The following KIF27 variants were observed in gnomAD, a reference collection of about 807,000 sequenced individuals.
KIF27 encodes kinesin-like protein KIF27.
A neutral mutation model predicts 141.8 loss-of-function variants in KIF27; 84 were observed. The ratio of observed to expected loss-of-function variants is 0.59; its 90% CI spans 0.50 to 0.71. The LOEUF (loss-of-function observed/expected upper bound fraction) is 0.71, where lower values mean the gene tolerates loss of function less well. Among genes scored for constraint, KIF27 ranks in the 30% least tolerant of loss-of-function variants. KIF27 has a pLI of 0.00. For missense variants in KIF27, 1,306 were observed against 1,628.4 expected, an observed-to-expected ratio of 0.80 and a Z score of 3.41; for synonymous variants, 471 against 569.5, an observed-to-expected ratio of 0.83 and a Z score of 2.46.
At chr9:83,885,409 T>C (rs1952013160) in intron 9 of KIF27, among the ~76,000 whole-genome samples, 2 of 152,130 alleles carry the variant, frequency 1.3e-5, no homozygotes, top group Admixed American at 6.5e-5. Context: ...ACTATTTATA[T>C]AGCTGGTTAT....
At chr9:83,848,061 C>CAT (rs796372252) in intron 16 of KIF27, among the ~76,000 whole-genome samples, 5 of 19,288 alleles carry the variant, frequency 2.6e-4, no homozygotes, top group East Asian at 5.8e-3. Flanking sequence ...ATCTATATAT[C>CAT]ATATATATGA....
intron 3 of KIF27, among the ~76,000 whole-genome samples, chr9:83,908,074 C>A (rs1165608688): frequency 6.6e-6 from 1 of 151,972 alleles, no homozygotes; most frequent in Non-Finnish European, 1.5e-5. Flanking sequence ...CCAGCCTGAC[C>A]AACATGGTGA....
chr9:83,883,844 T>C lies in KIF27; in HGVS notation c.2414A>G (p.Lys805Arg), dbSNP rs767105041. ...TCTCAGCTTTGCAGCATCCATCTTT[T>C]TACGAAACTCTTTCTGTAATTTTAC... is the stretch of plus-strand genomic sequence containing the variant. ...MKVKLQKEFR[K>R]KMDAAKLRVQ... Residue 805 changes from lysine (K) to arginine (R), a missense_variant, in exon 10 of 18, where the codon AAA becomes AGA. By Grantham distance (26) the Lys-to-Arg change is conservative. Around this residue, in one of 4 missense-constraint regions of KIF27, gnomAD observed 596 missense variants for 751.6 expected, o/e 0.79. Coordinates refer to ENST00000297814, the MANE Select transcript of KIF27 (RefSeq NM_017576.4). The C allele has an allele frequency of 5.6e-6, 9 of 1,612,950 alleles. No individual in the cohort carries two copies. Among genetic ancestry groups the C allele is most frequent in the African/African-American group, 1.3e-5 (1 of 74,914 alleles).
chr9:83,914,598 A>G (rs1190201135), intron 2 of KIF27, among the ~76,000 whole-genome samples: 1 of 152,200 alleles, frequency 6.6e-6, no homozygotes, highest in African/African-American at 2.4e-5. Flanking sequence ...GAGAGCCACT[A>G]TTCATACAGA....
chr9:83,841,494 A>G (rs1946561979), intron 17 of KIF27, among the ~76,000 whole-genome samples: 1 of 152,220 alleles, frequency 6.6e-6, no homozygotes, highest in African/African-American at 2.4e-5. Context: ...TAAAAAATAC[A>G]TGTGTGCCTA....
intron 3 of KIF27, among the ~76,000 whole-genome samples, chr9:83,906,744 CAAAAAAAAAAA>C (rs565683124): frequency 2.0e-5 from 1 of 50,050 alleles, no homozygotes; most frequent in African/African-American, 7.0e-5. Context: ...ACCCTGTCTC[CAAAAAAAAAAA>C]AAAAAAAAAA....
intron 13 of KIF27, among the ~76,000 whole-genome samples, chr9:83,865,219 C>T (rs1002725945): frequency 3.3e-5 from 5 of 152,088 alleles, no homozygotes; most frequent in African/African-American, 1.2e-4. Context: ...GATTTATCTG[C>T]CAATTAAAAA....
chr9:83,853,912 G>T, intron 14 of KIF27, 77 bp from the exon 15 acceptor site: 2 of 1,094,416 alleles, frequency 1.8e-6, no homozygotes, highest in Non-Finnish European at 2.7e-6. Flanking sequence ...ATCCTCCTAA[G>T]CTATTTGAGT....
intron 16 of KIF27, among the ~76,000 whole-genome samples, chr9:83,848,411 GAT>G (rs957347571): frequency 2.3e-5 from 3 of 130,506 alleles, no homozygotes; most frequent in Non-Finnish European, 3.2e-5. Context: ...ATGCATATAT[GAT>G]ATATATGTAT....
At chr9:83,846,702 T>TA (rs1447085454) in intron 16 of KIF27, among the ~76,000 whole-genome samples, 1 of 152,202 alleles carries the variant, frequency 6.6e-6, no homozygotes, top group Non-Finnish European at 1.5e-5. Context: ...CCATCACCCC[T>TA]AGTGATCCAT....
At chr9:83,874,939 A>C (rs1951090657) in intron 11 of KIF27, among the ~76,000 whole-genome samples, 1 of 150,650 alleles carries the variant, frequency 6.6e-6, no homozygotes, top group South Asian at 2.1e-4. Flanking sequence ...GTCTCAAAAA[A>C]AAAAAAAAAA....
At chr9:83,886,568 T>C (rs966832343) in intron 9 of KIF27, among the ~76,000 whole-genome samples, 17 of 152,010 alleles carry the variant, frequency 1.1e-4, no homozygotes, top group Non-Finnish European at 1.3e-4. Context: ...TTATCAATTC[T>C]AATACACTGT....
intron 9 of KIF27, among the ~76,000 whole-genome samples, chr9:83,884,871 A>T (rs185987944): frequency 5.0e-4 from 76 of 152,316 alleles, no homozygotes; most frequent in Admixed American, 4.4e-3. Context: ...CTTATTCAAG[A>T]TTAATTCCTT....
chr9:83,918,466 T>C (rs532631834), intron 1 of KIF27, among the ~76,000 whole-genome samples: 2 of 152,238 alleles, frequency 1.3e-5, no homozygotes, highest in African/African-American at 4.8e-5. Context: ...TTGCAAGACA[T>C]ATATCTAACA....
chr9:83,845,948 C>A (rs1947221031), intron 16 of KIF27, among the ~76,000 whole-genome samples: 2 of 152,136 alleles, frequency 1.3e-5, no homozygotes, highest in African/African-American at 4.8e-5. Flanking sequence ...TTTTAATAAT[C>A]AAGTGGATAT....
rs1418348597 is a variant in KIF27, at chr9:83,837,470, T to C, written c.3737A>G (p.Asp1246Gly). ...TCCTCCTTCTGGCTTCAGGACTCCA[T>C]CTCCAGCCTCTTGATCTAAAAATAA... ...LAPSEYQEAG[D>G]GVLKPEGGGM... Residue 1246 changes from aspartate (D) to glycine (G), a missense_variant, in exon 18 of 18, where the codon GAT becomes GGT. Transcript: ENST00000297814. The C allele has an allele frequency of 1.3e-5, 21 of 1,603,482 alleles. No individual in the cohort carries two copies. Among genetic ancestry groups the C allele is most frequent in the Non-Finnish European group, 1.7e-5 (20 of 1,175,668 alleles).
chr9:83,861,956 T>G (rs1314347179), intron 13 of KIF27, among the ~76,000 whole-genome samples: 1 of 152,258 alleles, frequency 6.6e-6, no homozygotes, highest in Admixed American at 6.5e-5. Flanking sequence ...TTCATGTGTC[T>G]GTTGGCTGCA....
chr9:83,892,512 A>T (rs578067647), intron 5 of KIF27, among the ~76,000 whole-genome samples: 1 of 152,128 alleles, frequency 6.6e-6, no homozygotes, highest in Non-Finnish European at 1.5e-5. Context: ...CAAAAGAGGG[A>T]AAAAGGAACA....
intron 11 of KIF27, among the ~76,000 whole-genome samples, chr9:83,876,672 C>A (rs1397522695): frequency 3.3e-5 from 5 of 152,140 alleles, no homozygotes; most frequent in Admixed American, 1.3e-4. Flanking sequence ...TTAATACAAA[C>A]CTACAGTAAT....
Sources: gnomAD v4.1 joint callset for allele counts (sites outside exome capture counted in the v4.1 genomes callset) on GRCh38, gnomAD v4.1.1 for gene constraint, gnomAD v4.1.1 regional missense constraint, MANE v1.5 for transcripts, NCBI Gene and HGNC (gene_info 2026-07-23, HGNC 2026-07-21) for gene names.